Variants in DOCK10 observed in about 807,000 individuals in gnomAD.
DOCK10 encodes the protein dedicator of cytokinesis protein 10.
Under a neutral mutation model 280.1 loss-of-function variants are expected in DOCK10, and 145 were observed. The observed-to-expected ratio is 0.52, with a 90% CI of 0.45 to 0.59. DOCK10 has a LOEUF of 0.59. DOCK10 is among the 20% of genes least tolerant of loss of function. DOCK10 has a pLI of 0.00. For synonymous variants in DOCK10, 915 were observed against 942.2 expected (o/e 0.97, Z 0.53); for missense variants, 2,368 against 2,651.7 (o/e 0.89, Z 2.35).
chr2:224,846,125 A>C (rs1696333290), intron 19 of DOCK10, among the ~76,000 whole-genome samples: 1 of 152,234 alleles, frequency 6.6e-6, no homozygotes, highest in Non-Finnish European at 1.5e-5. Context: ...ATGTATTCAC[A>C]TGTTGATATT....
intron 1 of DOCK10, among the ~76,000 whole-genome samples, chr2:224,978,286 T>C (rs957457949): frequency 6.6e-6 from 1 of 151,688 alleles, no homozygotes; most frequent in Non-Finnish European, 1.5e-5. Context: ...TACAAAAAAT[T>C]AGCAGATGTG....
chr2:224,793,523 C>T lies in DOCK10; in HGVS notation c.5155-66G>A. On this transcript the variant is annotated intron_variant, in intron 45 of 55. Transcript: ENST00000258390. Reference sequence around the variant, plus strand: ...TTTAATATAATTAGGGCTAATCTTCCAAGGCGAGTCAGTATTCCATATCAG... The same window carrying T: ...TTTAATATAATTAGGGCTAATCTTCTAAGGCGAGTCAGTATTCCATATCAG... 3 of 1,252,244 alleles carry T rather than the reference C, an allele frequency of 2.4e-6. No homozygotes were observed. In the Middle Eastern group the frequency reaches 5.6e-4, roughly 234 times the overall value. The allele number at this position is 1,252,244 out of a possible 1,614,324, so 77.6% of individuals were successfully genotyped here.
At chr2:224,998,722 T>G (rs1706344524) in intron 1 of DOCK10, among the ~76,000 whole-genome samples, 1 of 152,122 alleles carries the variant, frequency 6.6e-6, no homozygotes, top group South Asian at 2.1e-4. Flanking sequence ...TTTCTTCCCT[T>G]CTTCTTTTCC....
At chr2:225,033,579 G>A (rs1690141117) in intron 1 of DOCK10, among the ~76,000 whole-genome samples, 1 of 152,110 alleles carries the variant, frequency 6.6e-6, no homozygotes, top group African/African-American at 2.4e-5. Flanking sequence ...TTTCTGTATT[G>A]CCACTAATTC....
At chr2:224,838,463 T>A (rs1049749782) in intron 24 of DOCK10, among the ~76,000 whole-genome samples, 4 of 152,186 alleles carry the variant, frequency 2.6e-5, no homozygotes, top group Non-Finnish European at 1.5e-5. Context: ...ATCTATCAGC[T>A]GCAATATCTA....
Position 225,035,570 on chromosome 2 carries a change from ATATATATATATATATAT to A in DOCK10, c.123+6665_123+6681del, listed in dbSNP as rs1559986674. Among the ~76,000 whole-genome samples the A allele has an allele frequency of 1.6e-3, 95 of 58,228 alleles. 5 individuals are homozygous for A. The highest frequency in any genetic ancestry group is 4.2e-3 in the African/African-American group (89 of 21,086). 38.2% of individuals were successfully genotyped at this position (58,228 alleles called of 152,430 possible). ...TATATATATATATATATATATATAT[ATATATATATATATATAT>A]AACACTGAATCAGTGTTAATTGTGT... On this transcript the variant is annotated intron_variant, in intron 1 of 55. Transcript: ENST00000258390.
chr2:224,969,839 T>C (rs1704987806), intron 1 of DOCK10, among the ~76,000 whole-genome samples: 2 of 152,178 alleles, frequency 1.3e-5, no homozygotes, highest in African/African-American at 4.8e-5. Context: ...AGCAGGCCGG[T>C]TTTAAAGCAA....
At chr2:224,825,540 C>T (rs922502283) in intron 27 of DOCK10, among the ~76,000 whole-genome samples, 1 of 150,264 alleles carries the variant, frequency 6.7e-6, no homozygotes, top group African/African-American at 2.4e-5. Context: ...TTTCAATTTT[C>T]GTTTTGTTAG....
intron 1 of DOCK10, chr2:224,946,875 T>A (rs78257220): frequency 0.12 from 180,383 of 1,544,678 alleles, 11,344 homozygotes; most frequent in South Asian, 0.13. Context: ...TTCTTCTTGG[T>A]TTACTCTCCT....
chr2:224,923,384 C>T (rs548784525), intron 2 of DOCK10, among the ~76,000 whole-genome samples: 50 of 152,274 alleles, frequency 3.3e-4, no homozygotes, highest in African/African-American at 1.1e-3. Context: ...TTTCCAGGCT[C>T]CAAAACATGT....
chr2:224,773,448 T>A (rs145057546), intron 52 of DOCK10, 101 bp from the exon 53 acceptor site: 4 of 1,044,738 alleles, frequency 3.8e-6, no homozygotes, highest in Admixed American at 4.7e-5. Flanking sequence ...TCACGGCACA[T>A]GGCACCTTCC....
intron 11 of DOCK10, among the ~76,000 whole-genome samples, chr2:224,866,903 T>C (rs541274052): frequency 5.9e-5 from 9 of 152,114 alleles, no homozygotes; most frequent in Non-Finnish European, 1.0e-4. Context: ...CTTTATCAAA[T>C]AGGATGTTCC....
chr2:224,886,633 T>A (rs1397486039), intron 4 of DOCK10, 102 bp from the exon 5 acceptor site: 1 of 864,140 alleles, frequency 1.2e-6, no homozygotes, highest in African/African-American at 1.7e-5. Context: ...CTGGTGTTCT[T>A]ACAAATTTCT....
chr2:224,863,553 C>T (rs1020532432), intron 13 of DOCK10, among the ~76,000 whole-genome samples: 2 of 152,126 alleles, frequency 1.3e-5, no homozygotes, highest in South Asian at 2.1e-4. Context: ...CCCGGGTTCA[C>T]GCCATTCTCC....
chr2:224,939,403 T>C (rs1394706530), intron 1 of DOCK10, among the ~76,000 whole-genome samples: 1 of 152,208 alleles, frequency 6.6e-6, no homozygotes, highest in African/African-American at 2.4e-5. Context: ...TGTATATCTC[T>C]TATGAGCATG....
chr2:224,942,062 T>A (rs1251109708), intron 1 of DOCK10, among the ~76,000 whole-genome samples: 6 of 152,196 alleles, frequency 3.9e-5, no homozygotes, highest in African/African-American at 1.2e-4. Flanking sequence ...CTGTTGCTAC[T>A]CTTCTTCTCT....
chr2:225,016,167 C>T (rs1292535585), intron 1 of DOCK10, among the ~76,000 whole-genome samples: 1 of 152,176 alleles, frequency 6.6e-6, no homozygotes, highest in Non-Finnish European at 1.5e-5. Flanking sequence ...TTGTCACTAG[C>T]ATTTCATTTG....
chr2:224,944,936 C>A (rs150206992), intron 1 of DOCK10, among the ~76,000 whole-genome samples: 1 of 151,918 alleles, frequency 6.6e-6, no homozygotes, highest in Non-Finnish European at 1.5e-5. Context: ...GGGAAAATAC[C>A]GCGTCCTTAC....
chr2:224,945,174 T>C (rs764112637), intron 1 of DOCK10, among the ~76,000 whole-genome samples: 2 of 152,124 alleles, frequency 1.3e-5, no homozygotes, highest in African/African-American at 2.4e-5. Flanking sequence ...TAAATTCCAT[T>C]GAGATAAATA....
Sources: gnomAD v4.1 joint callset for allele counts (sites outside exome capture counted in the v4.1 genomes callset) on GRCh38, gnomAD v4.1.1 for gene constraint, MANE v1.5 for transcripts, NCBI Gene and HGNC (gene_info 2026-07-23, HGNC 2026-07-21) for gene names.